CD81: variants seen among roughly 807,000 people sequenced by gnomAD.
CD81 encodes CD81 molecule.
CD81 carries 10 observed loss-of-function variants against 30.1 expected under a neutral mutation model. That is an observed-to-expected ratio of 0.33 (90% CI 0.21 to 0.56). The LOEUF is 0.56. CD81 is among the 20% of genes least tolerant of loss of function. CD81 has a pLI of 0.89. For missense variants in CD81, 263 were observed against 308.7 expected (o/e 0.85, Z 1.11); for synonymous variants, 147 against 126.4 (o/e 1.16, Z -1.10).
chr11:2,395,917 C>G lies in CD81; in HGVS notation c.508C>G (p.Leu170Val), dbSNP rs1180276174. 6.2e-7 allele frequency: 1 copy of G among 1,612,418 alleles called. No individual in the cohort carries two copies. Among genetic ancestry groups the G allele is most frequent in the Admixed American group, 1.7e-5 (1 of 60,020 alleles). The stretch of plus-strand genomic sequence containing the variant: ...ACTGACTGCTTTGACCACCTCAGTG[C>G]TCAAGAACAATTTGTGTCCCTCGGG... Reference protein sequence around the residue: ...STLTALTTSVLKNNLCPSGSN... With the variant: ...STLTALTTSVVKNNLCPSGSN... Residue 170 changes from leucine (L) to valine (V), a missense_variant, in exon 6 of 8, where the codon CTC becomes GTC. Physicochemically the swap from Leu to Val is conservative, Grantham distance 32. Around this residue, in one of 3 missense-constraint regions of CD81, gnomAD observed 176 missense variants for 192.9 expected, o/e 0.91. Transcript: ENST00000263645.
intron 1 of CD81, among the ~76,000 whole-genome samples, chr11:2,384,403 T>G (rs909198933): frequency 5.8e-4 from 3 of 5,188 alleles, no homozygotes; most frequent in South Asian, 6.0e-3. Context: ...TCTCGTGGGG[T>G]GGGACAGCTT....
At chr11:2,395,380 G>T in intron 4 of CD81, 36 bp from the exon 5 acceptor site, 1 of 1,502,864 alleles carries the variant, frequency 6.7e-7, no homozygotes, top group Non-Finnish European at 9.3e-7. Flanking sequence ...GGAGGGGGAG[G>T]TTCCCCCTGT....
intron 1 of CD81, among the ~76,000 whole-genome samples, chr11:2,381,603 G>A (rs372699258): frequency 6.6e-6 from 1 of 152,356 alleles, no homozygotes; most frequent in Admixed American, 6.5e-5. Context: ...GAGTCCAGGC[G>A]CCTGTGCGAG....
chr11:2,384,752 T>A (rs1232126859), intron 1 of CD81: 3 of 158,116 alleles, frequency 1.9e-5, no homozygotes, highest in African/African-American at 4.8e-5. Flanking sequence ...AGTTCCAGAT[T>A]CCGGCACTTA....
Position 2,396,674 on chromosome 11 carries a change from A to G in CD81, c.608A>G (p.Tyr203Cys), listed in dbSNP as rs1234265187. 1.2e-6 allele frequency: 2 copies of G among 1,611,876 alleles called. No individual in the cohort carries two copies. Among genetic ancestry groups the G allele is most frequent in the East Asian group, 2.2e-5 (1 of 44,878 alleles). Residue 203 changes from tyrosine to cysteine, a missense_variant, in exon 7 of 8, where the codon TAC (tyrosine) becomes TGC (cysteine). By Grantham distance (194) the Tyr-to-Cys change is radical. Around this residue, in one of 3 missense-constraint regions of CD81, gnomAD observed 176 missense variants for 192.9 expected, o/e 0.91. Transcript: ENST00000263645. ...KIDDLFSGKLYLIGIAAIVVA... is the reference protein window; with the variant it reads ...KIDDLFSGKLCLIGIAAIVVA... ...GATGACCTCTTCTCCGGGAAGCTGT[A>G]CCTCATCGGCATTGCTGCCATCGTG...
intron 1 of CD81, 70 bp from the exon 2 acceptor site, chr11:2,390,342 C>A: frequency 3.3e-6 from 4 of 1,202,056 alleles, no homozygotes; most frequent in Non-Finnish European, 4.9e-6. Flanking sequence ...TTAGGCCTTG[C>A]GTGTGGGGTG....
intron 1 of CD81, among the ~76,000 whole-genome samples, chr11:2,388,439 C>T (rs1293089227): frequency 7.0e-6 from 1 of 143,584 alleles, no homozygotes; most frequent in Non-Finnish European, 1.5e-5. Context: ...GAGCACAGCC[C>T]CCTGCCCAAC....
At position 2,395,883 on chromosome 11, in the gene CD81, C is replaced by A; in HGVS notation, c.474C>A (p.Gly158=). 6.2e-7 allele frequency: 1 copy of A among 1,611,362 alleles called. No homozygotes were observed. The highest frequency in any genetic ancestry group is 8.5e-7 in the Non-Finnish European group (1 of 1,178,892). ...KTFHETLDCC[G]SSTLTALTTS... ...GCTCTCTGCAGCTTGACTGCTGTGG[C>A]TCCAGCACACTGACTGCTTTGACCA... The change falls in exon 6 of 8, where the codon GGC becomes GGA. Residue 158 remains glycine, a synonymous_variant. Coordinates refer to ENST00000263645, the MANE Select transcript of CD81 (RefSeq NM_004356.4).
intron 1 of CD81, among the ~76,000 whole-genome samples, chr11:2,385,246 A>C (rs1051416245): frequency 8.5e-5 from 13 of 152,162 alleles, no homozygotes; most frequent in African/African-American, 3.1e-4. Flanking sequence ...CAGATGTTTA[A>C]GGGTACAACT....
At chr11:2,384,463 T>C (rs1344635724) in intron 1 of CD81, among the ~76,000 whole-genome samples, 1 of 108,350 alleles carries the variant, frequency 9.2e-6, no homozygotes, top group Non-Finnish European at 1.8e-5. Context: ...GTAGGGCGGC[T>C]TGTGGGGTGG....
chr11:2,390,937 G>C (rs895148559), intron 2 of CD81: 1 of 315,348 alleles, frequency 3.2e-6, no homozygotes, highest in Admixed American at 4.3e-5. Flanking sequence ...GGGTGGAGAC[G>C]GGGCAGGGGA....
intron 5 of CD81, 48 bp downstream of exon 5, chr11:2,395,568 G>T (rs777767472): frequency 1.4e-6 from 2 of 1,452,656 alleles, no homozygotes; most frequent in African/African-American, 2.8e-5. Context: ...CGGGAACCCG[G>T]CGGGGTGTGT....
chr11:2,394,792 G>A (rs112730752), intron 3 of CD81, 180 bp from the exon 4 acceptor site: 52 of 677,692 alleles, frequency 7.7e-5, no homozygotes, highest in African/African-American at 3.9e-4. Flanking sequence ...TCCTCCCTGC[G>A]CTGAGTTTTA....
chr11:2,395,651 T>C, intron 5 of CD81, 131 bp downstream of exon 5: 3 of 787,040 alleles, frequency 3.8e-6, no homozygotes, highest in Non-Finnish European at 4.3e-6. Context: ...CCAGGACCCC[T>C]GGTCTCAACT....
chr11:2,389,093 A>T (rs1054555116), intron 1 of CD81, among the ~76,000 whole-genome samples: 1 of 152,122 alleles, frequency 6.6e-6, no homozygotes, highest in Non-Finnish European at 1.5e-5. Flanking sequence ...GAACTGACCA[A>T]TTGTGTCCTA....
At chr11:2,391,089 GAGGAGGAGGAGGGGAGGGGCAAGGCC>G (rs1564993479) in intron 2 of CD81, 1 of 208,336 alleles carries the variant, frequency 4.8e-6, no homozygotes, top group Non-Finnish European at 9.8e-6. Flanking sequence ...AGGAGTGATG[GAGGAGGAGGAGGGGAGGGGCAAGGCC>G]AGGAGGAGGA....
chr11:2,385,534 C>T (rs968080178), intron 1 of CD81: 4 of 266,746 alleles, frequency 1.5e-5, no homozygotes, highest in South Asian at 1.4e-4. Flanking sequence ...TGTGGCGTGC[C>T]CGTCGTCTGT....
intron 1 of CD81, among the ~76,000 whole-genome samples, chr11:2,380,279 A>G (rs1396875968): frequency 6.6e-6 from 1 of 152,064 alleles, no homozygotes; most frequent in Non-Finnish European, 1.5e-5. Flanking sequence ...GAGGTTGACA[A>G]TGGATATCTG....
chr11:2,377,664 C>A lies in CD81; in HGVS notation c.66+49C>A. On this transcript the variant is annotated intron_variant, in intron 1 of 7. Coordinates refer to ENST00000263645, the MANE Select transcript of CD81 (RefSeq NM_004356.4). This position sits in a 1 kb window ranked among gnomAD's most constrained non-coding sequence, Gnocchi z 7.7. The stretch of plus-strand genomic sequence containing the variant: ...GGCGGGAGGGGGCAGGCACACACTC[C>A]ACGTTGGGCAGGTCCCGCGGCAGCG... 7.8e-7 allele frequency: 1 copy of A among 1,286,718 alleles called. No homozygotes were observed. The allele number at this position is 1,286,718 out of a possible 1,614,324, so 79.7% of individuals were successfully genotyped here.
Sources: gnomAD v4.1 joint callset for allele counts (sites outside exome capture counted in the v4.1 genomes callset) on GRCh38, gnomAD v4.1.1 for gene constraint, gnomAD v4.1.1 regional missense constraint, Gnocchi (gnomAD v3.1) non-coding constraint, MANE v1.5 for transcripts, NCBI Gene and HGNC (gene_info 2026-07-23, HGNC 2026-07-21) for gene names.